The following THRB variants were observed in gnomAD, a reference collection of about 807,000 sequenced individuals.
THRB encodes thyroid hormone receptor beta.
THRB carries 12 observed loss-of-function variants against 47.8 expected under a neutral mutation model. That is an observed-to-expected ratio of 0.25 (90% confidence interval 0.16 to 0.41). The LOEUF is 0.41. Among genes scored for constraint, THRB ranks in the 10% least tolerant of loss-of-function variants. The pLI, the probability that THRB is intolerant of heterozygous loss-of-function variation, is 1.00. For synonymous variants in THRB, 218 were observed against 212.2 expected (o/e 1.03, Z -0.24); for missense variants, 348 against 589.2 (o/e 0.59, Z 4.24).
intron 1 of THRB, among the ~76,000 whole-genome samples, chr3:24,441,244 T>C (rs1039556282): frequency 2.0e-5 from 3 of 152,154 alleles, no homozygotes; most frequent in Admixed American, 1.3e-4. Flanking sequence ...TGGAGTCCTA[T>C]ACTAAGTAAA....
chr3:24,143,482 C>G lies in THRB; in HGVS notation c.738+19G>C. The G allele has an allele frequency of 6.2e-7, 1 of 1,612,960 alleles. No individual in the cohort carries two copies. Among genetic ancestry groups the G allele is most frequent in the East Asian group, 2.2e-5 (1 of 44,878 alleles). On this transcript the variant is annotated intron_variant, in intron 8 of 10. Transcript: ENST00000646209. ...ACACTGGCATATAAGTGAAACTGATCTGTGCAAGGAAGCCTTACCAGGAAT... is the reference window on the plus strand; with the variant it reads ...ACACTGGCATATAAGTGAAACTGATGTGTGCAAGGAAGCCTTACCAGGAAT...
chr3:24,228,107 G>A (rs2047859383), intron 4 of THRB, among the ~76,000 whole-genome samples: 1 of 152,088 alleles, frequency 6.6e-6, no homozygotes, highest in African/African-American at 2.4e-5. Context: ...GCTTAGAGTG[G>A]GAGATGGCTT....
chr3:24,399,681 C>G (rs938857364), intron 1 of THRB, among the ~76,000 whole-genome samples: 2 of 152,080 alleles, frequency 1.3e-5, no homozygotes. Flanking sequence ...ACAGACTCTT[C>G]TGGCTGAAAA....
At chr3:24,456,681 A>G (rs1561075) in intron 1 of THRB, among the ~76,000 whole-genome samples, 36,183 of 151,138 alleles carry the variant, frequency 0.24, 4,784 homozygotes, top group African/African-American at 0.35. Flanking sequence ...ATTATCTTGT[A>G]TAAGATAGTA....
intron 1 of THRB, among the ~76,000 whole-genome samples, chr3:24,411,634 G>C (rs1489021660): frequency 6.6e-6 from 1 of 151,712 alleles, no homozygotes; most frequent in Non-Finnish European, 1.5e-5. Context: ...ACTTTTATCT[G>C]AATCAATAAC....
At chr3:24,449,775 A>G (rs1391232691) in intron 1 of THRB, among the ~76,000 whole-genome samples, 1 of 152,190 alleles carries the variant, frequency 6.6e-6, no homozygotes, top group African/African-American at 2.4e-5. Flanking sequence ...TTTCTGTGCT[A>G]GTTTTAGTAA....
chr3:24,213,278 AGTTG>A (rs1238811507), intron 4 of THRB, among the ~76,000 whole-genome samples: 2 of 152,166 alleles, frequency 1.3e-5, no homozygotes, highest in African/African-American at 4.8e-5. Flanking sequence ...GCCTTTATTT[AGTTG>A]ATTTGTGGCA....
chr3:24,220,510 G>A (rs1267242632), intron 4 of THRB, among the ~76,000 whole-genome samples: 1 of 152,038 alleles, frequency 6.6e-6, no homozygotes, highest in East Asian at 1.9e-4. Context: ...GCTCCCAGAG[G>A]GATTCTAATA....
intron 3 of THRB, among the ~76,000 whole-genome samples, chr3:24,292,975 A>G (rs2056091244): frequency 6.6e-6 from 1 of 152,134 alleles, no homozygotes; most frequent in African/African-American, 2.4e-5. Context: ...CAATTTTATC[A>G]ATTTTCTAAA....
intron 1 of THRB, among the ~76,000 whole-genome samples, chr3:24,435,344 G>A (rs1447751666): frequency 6.6e-6 from 1 of 152,146 alleles, no homozygotes; most frequent in Non-Finnish European, 1.5e-5. Flanking sequence ...GAAATGCGTA[G>A]GCAGAGGGAC....
intron 1 of THRB, among the ~76,000 whole-genome samples, chr3:24,491,736 A>G (rs1321050355): frequency 6.6e-6 from 1 of 152,218 alleles, no homozygotes; most frequent in African/African-American, 2.4e-5. Context: ...GTGAGAAGAC[A>G]CTGCCATCAC....
intron 4 of THRB, among the ~76,000 whole-genome samples, chr3:24,209,689 C>G (rs936107471): frequency 1.3e-5 from 2 of 151,890 alleles, no homozygotes; most frequent in Non-Finnish European, 1.5e-5. Flanking sequence ...GTGGGCGGAG[C>G]GGGGAGGGAT....
At chr3:24,453,711 T>C (rs1055802610) in intron 1 of THRB, among the ~76,000 whole-genome samples, 1 of 152,210 alleles carries the variant, frequency 6.6e-6, no homozygotes, top group Non-Finnish European at 1.5e-5. Flanking sequence ...CTCCTTAATG[T>C]GGTCTCTAAG....
At chr3:24,390,382 A>G (rs1318931131) in intron 1 of THRB, among the ~76,000 whole-genome samples, 2 of 152,114 alleles carry the variant, frequency 1.3e-5, no homozygotes, top group Non-Finnish European at 2.9e-5. Context: ...TAGACTTACT[A>G]TGTTGATCAG....
At chr3:24,230,389 T>G (rs79849052) in intron 3 of THRB, among the ~76,000 whole-genome samples, 4,545 of 152,210 alleles carry the variant, frequency 0.03, 114 homozygotes, top group Non-Finnish European at 0.049. Flanking sequence ...AACAACTAAA[T>G]AAAATAAGAT....
chr3:24,171,001 G>A (rs1472970575), intron 5 of THRB, among the ~76,000 whole-genome samples: 1 of 152,190 alleles, frequency 6.6e-6, no homozygotes, highest in South Asian at 2.1e-4. Flanking sequence ...AGATAGAGCT[G>A]TTTATTAAAC....
At chr3:24,316,783 C>T (rs536347894) in intron 2 of THRB, among the ~76,000 whole-genome samples, 101 of 152,142 alleles carry the variant, frequency 6.6e-4, no homozygotes, top group Non-Finnish European at 9.0e-4. Flanking sequence ...CTATTCCTAA[C>T]TTCAGTCTCC....
At chr3:24,391,993 G>A (rs2066608390) in intron 1 of THRB, among the ~76,000 whole-genome samples, 1 of 152,128 alleles carries the variant, frequency 6.6e-6, no homozygotes, top group South Asian at 2.1e-4. Flanking sequence ...TGGCTCCAAA[G>A]CAACGCTACT....
chr3:24,338,583 A>G (rs1374311650), intron 1 of THRB, among the ~76,000 whole-genome samples: 1 of 152,190 alleles, frequency 6.6e-6, no homozygotes, highest in African/African-American at 2.4e-5. Context: ...ATGGCTACAT[A>G]AAAGCCCTTG....
Sources: allele counts gnomAD v4.1 joint callset (sites outside exome capture counted in the v4.1 genomes callset), GRCh38; gene constraint gnomAD v4.1.1; transcripts MANE v1.5; gene names NCBI Gene and HGNC (gene_info 2026-07-23, HGNC 2026-07-21).